Variants in CADPS2 observed in about 807,000 individuals in gnomAD.
CADPS2 encodes calcium-dependent secretion activator 2.
A neutral mutation model predicts 172.5 loss-of-function variants in CADPS2; 93 were observed. The ratio of observed to expected loss-of-function variants is 0.54; its 90% CI spans 0.46 to 0.64. CADPS2 has a LOEUF of 0.64. CADPS2 is among the 30% of genes least tolerant of loss of function. CADPS2 has a pLI of 0.00. For missense variants in CADPS2, 1,420 were observed against 1,565.9 expected, an observed-to-expected ratio of 0.91 and a Z score of 1.57; for synonymous variants, 546 against 555.2, an observed-to-expected ratio of 0.98 and a Z score of 0.23.
intron 9 of CADPS2, among the ~76,000 whole-genome samples, chr7:122,495,452 ATAT>A (rs1199558746): frequency 6.6e-6 from 1 of 152,194 alleles, no homozygotes; most frequent in Non-Finnish European, 1.5e-5. Flanking sequence ...TATATCATAC[ATAT>A]TATTCTGCAA....
chr7:122,349,506 A>G (rs960343310), intron 27 of CADPS2, among the ~76,000 whole-genome samples: 5 of 152,208 alleles, frequency 3.3e-5, no homozygotes, highest in African/African-American at 9.6e-5. Flanking sequence ...TCTCATTCAG[A>G]AAATAATAGA....
intron 17 of CADPS2, among the ~76,000 whole-genome samples, chr7:122,432,032 AATTATC>A (rs2050002516): frequency 6.6e-6 from 1 of 152,134 alleles, no homozygotes; most frequent in African/African-American, 2.4e-5. Context: ...TTTACTAAAT[AATTATC>A]ATTATTTTTG....
chr7:122,718,474 T>G (rs1004141225), intron 2 of CADPS2, among the ~76,000 whole-genome samples: 7 of 152,060 alleles, frequency 4.6e-5, no homozygotes, highest in African/African-American at 1.7e-4. Context: ...GAGCTCAGTC[T>G]TACAGGACAG....
intron 1 of CADPS2, among the ~76,000 whole-genome samples, chr7:122,812,978 C>A (rs1800406540): frequency 6.6e-6 from 1 of 152,060 alleles, no homozygotes; most frequent in South Asian, 2.1e-4. Flanking sequence ...GGCCTTGGAC[C>A]CCAAAATCTA....
chr7:122,670,538 C>A (rs2081712862), intron 2 of CADPS2, among the ~76,000 whole-genome samples: 1 of 151,466 alleles, frequency 6.6e-6, no homozygotes, highest in Admixed American at 6.6e-5. Context: ...CACTCTGTCA[C>A]CCAGGCGGGA....
intron 2 of CADPS2, among the ~76,000 whole-genome samples, chr7:122,674,169 G>A (rs1256490572): frequency 6.6e-6 from 1 of 152,106 alleles, no homozygotes. Flanking sequence ...ACGCTGTCCT[G>A]CAAGCGCCCC....
At chr7:122,449,815 C>T (rs911145121) in intron 15 of CADPS2, among the ~76,000 whole-genome samples, 3 of 152,096 alleles carry the variant, frequency 2.0e-5, no homozygotes, top group Admixed American at 2.0e-4. Context: ...CAGAATATTT[C>T]TCCACTGTGG....
At chr7:122,711,582 C>A (rs1329647030) in intron 2 of CADPS2, among the ~76,000 whole-genome samples, 1 of 152,132 alleles carries the variant, frequency 6.6e-6, no homozygotes, top group Non-Finnish European at 1.5e-5. Flanking sequence ...CTGCAGTCCC[C>A]ACAAAGCTTC....
intron 9 of CADPS2, among the ~76,000 whole-genome samples, chr7:122,508,393 T>C (rs773128986): frequency 2.0e-5 from 3 of 151,292 alleles, no homozygotes; most frequent in Non-Finnish European, 2.9e-5. Flanking sequence ...AGAAGGAGGA[T>C]TGTTAAAGTA....
intron 7 of CADPS2, among the ~76,000 whole-genome samples, chr7:122,571,873 A>T (rs1036124613): frequency 6.6e-6 from 1 of 152,192 alleles, no homozygotes; most frequent in African/African-American, 2.4e-5. Context: ...TAAAAAACTT[A>T]TGAAGTAACA....
At chr7:122,569,967 C>T (rs1177068000) in intron 7 of CADPS2, among the ~76,000 whole-genome samples, 5 of 148,470 alleles carry the variant, frequency 3.4e-5, no homozygotes, top group South Asian at 4.3e-4. Flanking sequence ...AGGACACAGG[C>T]GTGGGCAAGG....
chr7:122,351,685 CTCTG>C (rs908519260), intron 27 of CADPS2, among the ~76,000 whole-genome samples: 2 of 152,002 alleles, frequency 1.3e-5, no homozygotes, highest in Non-Finnish European at 1.5e-5. Context: ...GATCAGGGTC[CTCTG>C]TCTGTTACTT....
chr7:122,434,663 A>G (rs2050406674), intron 17 of CADPS2, among the ~76,000 whole-genome samples: 1 of 152,176 alleles, frequency 6.6e-6, no homozygotes, highest in Non-Finnish European at 1.5e-5. Flanking sequence ...TAACAGGCAC[A>G]CGTAGTTAAA....
At chr7:122,514,597 A>G (rs2130865170) in intron 8 of CADPS2, among the ~76,000 whole-genome samples, 1 of 152,220 alleles carries the variant, frequency 6.6e-6, no homozygotes, top group South Asian at 2.1e-4. Flanking sequence ...TTCTTGTAGG[A>G]TAACATGTCA....
At chr7:122,650,796 G>A (rs902144398) in intron 3 of CADPS2, among the ~76,000 whole-genome samples, 11 of 152,074 alleles carry the variant, frequency 7.2e-5, no homozygotes, top group African/African-American at 2.2e-4. Flanking sequence ...TTTGAGAGCG[G>A]AAACTTAATT....
At chr7:122,474,332 T>C (rs1344808092) in intron 13 of CADPS2, 49 bp downstream of exon 13, 1 of 1,565,104 alleles carries the variant, frequency 6.4e-7, no homozygotes, top group Admixed American at 1.8e-5. Context: ...ATAGGGGATC[T>C]AAAATCTTTT....
chr7:122,744,194 A>C (rs2092621525), intron 1 of CADPS2, among the ~76,000 whole-genome samples: 1 of 152,146 alleles, frequency 6.6e-6, no homozygotes, highest in African/African-American at 2.4e-5. Flanking sequence ...TGCTGAATGG[A>C]ATTTGATGTG....
intron 28 of CADPS2, among the ~76,000 whole-genome samples, chr7:122,333,700 T>C (rs1429067694): frequency 1.3e-5 from 2 of 152,298 alleles, no homozygotes; most frequent in East Asian, 3.9e-4. Context: ...TAGAACTCTA[T>C]ACAGGTGTCT....
chr7:122,826,745 G>C (rs2140481565), intron 1 of CADPS2, among the ~76,000 whole-genome samples: 1 of 152,070 alleles, frequency 6.6e-6, no homozygotes, highest in Admixed American at 6.5e-5. Flanking sequence ...ATGGAAAACA[G>C]GACAGAAGAA....
Sources: gnomAD v4.1 joint callset for allele counts (sites outside exome capture counted in the v4.1 genomes callset) on GRCh38, gnomAD v4.1.1 for gene constraint, MANE v1.5 for transcripts, NCBI Gene and HGNC (gene_info 2026-07-23, HGNC 2026-07-21) for gene names.